The following EPS8 variants were observed in gnomAD, a reference collection of about 807,000 sequenced individuals.
EPS8 encodes epidermal growth factor receptor kinase substrate 8.
In EPS8, 42 loss-of-function variants were observed where a neutral mutation model predicts 103.8. The ratio of observed to expected loss-of-function variants is 0.40; its 90% confidence interval spans 0.32 to 0.52. The LOEUF (loss-of-function observed/expected upper bound fraction) is 0.52, where lower values mean the gene tolerates loss of function less well. EPS8 is among the 20% of genes least tolerant of loss of function. The pLI, the probability that EPS8 is intolerant of heterozygous loss-of-function variation, is 0.40. For missense variants in EPS8, 969 were observed against 1,005.1 expected, an observed-to-expected ratio of 0.96 and a Z score of 0.49; for synonymous variants, 344 against 344.6, an observed-to-expected ratio of 1.00 and a Z score of 0.02.
At chr12:15,629,214 T>G (rs569253955) in intron 18 of EPS8, among the ~76,000 whole-genome samples, 2 of 152,200 alleles carry the variant, frequency 1.3e-5, no homozygotes, top group Non-Finnish European at 2.9e-5. Flanking sequence ...TTTAAAAGTA[T>G]GCAAACTATG....
intron 2 of EPS8, among the ~76,000 whole-genome samples, chr12:15,682,432 G>A (rs977765491): frequency 6.6e-6 from 1 of 152,112 alleles, no homozygotes; most frequent in African/African-American, 2.4e-5. Context: ...GTTATACCTG[G>A]ACCCACTGGA....
Position 15,681,258 on chromosome 12 carries a change from T to A in EPS8, c.104A>T (p.His35Leu), listed in dbSNP as rs71532816. Residue 35 changes from histidine to leucine, a missense_variant, in exon 3 of 21, where the codon CAT (histidine) becomes CTT (leucine). Coordinates refer to ENST00000281172, the MANE Select transcript of EPS8 (RefSeq NM_004447.6). The stretch of plus-strand genomic sequence containing the variant: ...GGCCTTTGCACTTGTTTTTGAACCA[T>A]GTTCTCTGTCCGTCTGGGAAAAGGT... ...SPTFSQTDRE[H>L]GSKTSAKALY... The A allele has an allele frequency of 6.4e-7, 1 of 1,567,232 alleles. No individual in the cohort carries two copies. Among genetic ancestry groups the A allele is most frequent in the Non-Finnish European group, 8.7e-7 (1 of 1,151,538 alleles).
intron 17 of EPS8, among the ~76,000 whole-genome samples, chr12:15,635,947 A>G (rs1272976003): frequency 2.0e-5 from 3 of 152,164 alleles, no homozygotes; most frequent in African/African-American, 7.2e-5. Context: ...GAATACCTAT[A>G]ACAATAATAA....
At chr12:15,773,787 T>C (rs962909499) in intron 1 of EPS8, among the ~76,000 whole-genome samples, 3 of 152,156 alleles carry the variant, frequency 2.0e-5, no homozygotes, top group African/African-American at 7.2e-5. Flanking sequence ...CTGTGTCTAG[T>C]AAACAGAGTG....
At chr12:15,712,777 A>T (rs1417293815) in intron 1 of EPS8, 1 of 734,122 alleles carries the variant, frequency 1.4e-6, no homozygotes, top group Non-Finnish European at 1.7e-6. Context: ...AAGGTCTACA[A>T]ATACCCTTTA....
chr12:15,739,201 C>CA (rs1310660362), intron 1 of EPS8, among the ~76,000 whole-genome samples: 1 of 152,072 alleles, frequency 6.6e-6, no homozygotes, highest in Non-Finnish European at 1.5e-5. Flanking sequence ...AAAGAGGTTA[C>CA]AAAAAATGTT....
At chr12:15,744,924 A>T (rs1032739321) in intron 1 of EPS8, among the ~76,000 whole-genome samples, 2 of 152,054 alleles carry the variant, frequency 1.3e-5, no homozygotes, top group Non-Finnish European at 2.9e-5. Flanking sequence ...TCACCAGGCT[A>T]GAGTGCAGTG....
rs1285633976 is a variant in EPS8, at chr12:15,658,171, CAG to C, written c.1027-20_1027-19del. ...AGTTTGGCCTGCAACATGAAGAAAA[CAG>C]AAAACAGATTACTATCAAGCAAGAC... On this transcript the variant is annotated intron_variant, in intron 11 of 20. Coordinates refer to ENST00000281172, the MANE Select transcript of EPS8 (RefSeq NM_004447.6). The C allele has an allele frequency of 5.1e-6, 8 of 1,566,956 alleles. No individual in the cohort carries two copies. In the African/African-American group the frequency reaches 8.1e-5, roughly 16 times the overall value.
intron 3 of EPS8, among the ~76,000 whole-genome samples, chr12:15,675,382 T>C (rs1213395935): frequency 6.6e-6 from 1 of 152,174 alleles, no homozygotes; most frequent in Admixed American, 6.5e-5. Flanking sequence ...GGCAGATCAC[T>C]TGAGGTCAGG....
chr12:15,669,225 T>C (rs574830419), intron 6 of EPS8, among the ~76,000 whole-genome samples, 162 bp downstream of exon 6: 7 of 152,326 alleles, frequency 4.6e-5, no homozygotes, highest in African/African-American at 1.7e-4. Flanking sequence ...TTACTTGCCA[T>C]GGAAATCCTA....
At position 15,728,335 on chromosome 12, in the gene EPS8, T is replaced by A. The variant is rs938667724; in HGVS notation, c.-21-45363A>T. The stretch of plus-strand genomic sequence containing the variant: ...AGGGGGGGTGCCTTGTGGGTGTATG[T>A]GTGTATATAACTTATCCAGTGTCCT... On this transcript the variant is annotated intron_variant, in intron 1 of 20. Coordinates refer to ENST00000281172, the MANE Select transcript of EPS8 (RefSeq NM_004447.6). This position sits in a 1 kb window ranked among gnomAD's most constrained non-coding sequence, Gnocchi z 4.5. The A allele has an allele frequency of 2.6e-5, 4 of 152,172 alleles. No homozygotes were observed. Among genetic ancestry groups the A allele is most frequent in the Admixed American group, 6.5e-5 (1 of 15,280 alleles). The allele number at this position is 152,172 out of a possible 1,614,324, so 9.4% of individuals were successfully genotyped here.
In EPS8 at chr12:15,731,141, T is replaced by C. The variant is rs148003050; in HGVS notation, c.-21-48169A>G. Among the ~76,000 whole-genome samples, 248 of 152,328 alleles carry C rather than the reference T, an allele frequency of 1.6e-3. 1 individual carries two copies. The highest frequency in any genetic ancestry group is 4.3e-3 in the African/African-American group (180 of 41,572). On this transcript the variant is annotated intron_variant, in intron 1 of 20. Transcript: ENST00000281172. The surrounding 1 kb of genome is among the most constrained non-coding windows in gnomAD (Gnocchi z 5.1). ...TCTTTTTTAGATAGAATAATTAAAA[T>C]GTCATGGGCAACTGCTATCCAGGTT...
At position 15,767,762 on chromosome 12, in the gene EPS8, C is replaced by G. The variant is rs1488577298; in HGVS notation, c.-22+21399G>C. Among the ~76,000 whole-genome samples, 1 of 152,198 alleles carries G rather than the reference C, an allele frequency of 6.6e-6. No homozygotes were observed. The highest frequency in any genetic ancestry group is 2.4e-5 in the African/African-American group (1 of 41,444). ...GGCAACAGCTCTCCTTCCAGGAATA[C>G]CTGTCAAAATACTCATTTGTCAGTT... On this transcript the variant is annotated intron_variant, in intron 1 of 20. Coordinates refer to ENST00000281172, the MANE Select transcript of EPS8 (RefSeq NM_004447.6). This position sits in a 1 kb window ranked among gnomAD's most constrained non-coding sequence, Gnocchi z 5.5.
chr12:15,788,356 C>G lies in EPS8; in HGVS notation c.-22+805G>C, dbSNP rs559843159. On this transcript the variant is annotated intron_variant, in intron 1 of 20. Transcript: ENST00000281172. ...ATGTCTGCGGATTTCAAATCCTAAC[C>G]ACGGCGTCCTGCCCCCCGCGAGATT... Among the ~76,000 whole-genome samples, 84 of 152,226 alleles carry G rather than the reference C, an allele frequency of 5.5e-4. 1 individual carries two copies. Among genetic ancestry groups the G allele is most frequent in the African/African-American group, 2.0e-3 (82 of 41,528 alleles).
intron 1 of EPS8, among the ~76,000 whole-genome samples, chr12:15,699,806 C>G (rs1446636473): frequency 6.6e-6 from 1 of 152,208 alleles, no homozygotes; most frequent in Non-Finnish European, 1.5e-5. Flanking sequence ...CTTTCCACTA[C>G]TTTATACTTC....
intron 1 of EPS8, among the ~76,000 whole-genome samples, chr12:15,766,528 G>C (rs1251727352): frequency 6.7e-6 from 1 of 150,334 alleles, no homozygotes; most frequent in Non-Finnish European, 1.5e-5. Context: ...ATATTAGCTG[G>C]ACATTGGGAG....
At chr12:15,661,867 TAATTCAAAGGGCA>T (rs1565485797) in intron 9 of EPS8, among the ~76,000 whole-genome samples, 146 bp downstream of exon 9, 1 of 152,058 alleles carries the variant, frequency 6.6e-6, no homozygotes, top group Non-Finnish European at 1.5e-5. Flanking sequence ...AACGAGAAAA[TAATTCAAAGGGCA>T]AATTCAAAGG....
chr12:15,677,377 T>C (rs1044422439), intron 3 of EPS8, among the ~76,000 whole-genome samples: 3 of 152,154 alleles, frequency 2.0e-5, no homozygotes, highest in East Asian at 1.9e-4. Flanking sequence ...GCACATTCAG[T>C]AGAAGCAACC....
In EPS8 at chr12:15,745,909, A is replaced by T. The variant is rs1946870701; in HGVS notation, c.-22+43252T>A. On this transcript the variant is annotated intron_variant, in intron 1 of 20. Transcript: ENST00000281172. The surrounding 1 kb of genome is among the most constrained non-coding windows in gnomAD (Gnocchi z 4.6). ...TAAACTGAATTACTATCATGACAAT[A>T]AATGCGATCATGCCATAAAATCTCA... 6.6e-6 allele frequency among the ~76,000 whole-genome samples: 1 copy of T among 152,250 alleles called. No individual in the cohort carries two copies. Among genetic ancestry groups the T allele is most frequent in the African/African-American group, 2.4e-5 (1 of 41,464 alleles).
Sources: allele counts gnomAD v4.1 joint callset (sites outside exome capture counted in the v4.1 genomes callset), GRCh38; gene constraint gnomAD v4.1.1; non-coding constraint Gnocchi (gnomAD v3.1); transcripts MANE v1.5; gene names NCBI Gene and HGNC (gene_info 2026-07-23, HGNC 2026-07-21).